Variants in UBAC2 observed in about 807,000 individuals in gnomAD.
UBAC2 encodes ubiquitin-associated domain-containing protein 2.
A neutral mutation model predicts 44.0 loss-of-function variants in UBAC2; 26 were observed. The observed-to-expected ratio is 0.59, with a 90% CI of 0.43 to 0.82. The LOEUF (loss-of-function observed/expected upper bound fraction) is 0.82. UBAC2 is among the 40% of genes least tolerant of loss of function. The pLI is 0.00. For synonymous variants in UBAC2, 155 were observed against 154.3 expected (o/e 1.00, Z -0.04); for missense variants, 329 against 419.4 (o/e 0.78, Z 1.88).
chr13:99,226,660 C>A (rs1435101861), intron 1 of UBAC2, among the ~76,000 whole-genome samples: 1 of 152,190 alleles, frequency 6.6e-6, no homozygotes, highest in Non-Finnish European at 1.5e-5. Context: ...CTGGACCATT[C>A]CCCTCATCAC....
At chr13:99,204,901 CTTTTT>C (rs569772649) in intron 1 of UBAC2, among the ~76,000 whole-genome samples, 4 of 75,940 alleles carry the variant, frequency 5.3e-5, no homozygotes, top group African/African-American at 1.6e-4. Flanking sequence ...GTTTCGTTTC[CTTTTT>C]TTTTTTTTTT....
Position 99,295,066 on chromosome 13 carries a change from T to A in UBAC2, c.390-19031T>A, listed in dbSNP as rs1177969574. 6.2e-7 allele frequency: 1 copy of A among 1,612,766 alleles called. No individual in the cohort carries two copies. The highest frequency in any genetic ancestry group is 2.2e-5 in the East Asian group (1 of 44,864). ...AACCAAAATACAATCCATTTCACTT[T>A]CCATTTGAAGACTTGGAATGTATCA... On this transcript the variant is annotated intron_variant, in intron 4 of 8. Transcript: ENST00000403766. The surrounding 1 kb of genome is among the most constrained non-coding windows in gnomAD (Gnocchi z 4.1).
chr13:99,374,258 T>C (rs1441618037), intron 8 of UBAC2, among the ~76,000 whole-genome samples: 1 of 152,168 alleles, frequency 6.6e-6, no homozygotes, highest in African/African-American at 2.4e-5. Flanking sequence ...GAGTTCCTTA[T>C]TATGCTGACT....
chr13:99,254,864 A>G (rs781659489), intron 4 of UBAC2: 1 of 1,591,844 alleles, frequency 6.3e-7, no homozygotes, highest in South Asian at 1.1e-5. Context: ...TTGAAATGAA[A>G]GAACCTTATT....
chr13:99,237,263 T>TACACACAC (rs753374485), intron 1 of UBAC2, among the ~76,000 whole-genome samples: 113 of 90,522 alleles, frequency 1.2e-3, no homozygotes, highest in East Asian at 7.7e-3. Context: ...CGTATATATA[T>TACACACAC]ATATATATAC....
At chr13:99,226,154 TAGAG>T (rs1427981039) in intron 1 of UBAC2, among the ~76,000 whole-genome samples, 1 of 152,098 alleles carries the variant, frequency 6.6e-6, no homozygotes, top group African/African-American at 2.4e-5. Context: ...GTGGCACTGG[TAGAG>T]AGGAGAGAGA....
At chr13:99,341,376 C>G (rs2044883861) in intron 7 of UBAC2, among the ~76,000 whole-genome samples, 1 of 100,718 alleles carries the variant, frequency 9.9e-6, no homozygotes, top group Admixed American at 1.0e-4. Context: ...GGTTTGAGGT[C>G]CTTAGAGTCC....
At position 99,201,680 on chromosome 13, in the gene UBAC2, C is replaced by A. The variant is rs964117216; in HGVS notation, c.31+741C>A. 3.4e-6 allele frequency: 4 copies of A among 1,167,742 alleles called. No homozygotes were observed. The East Asian group carries it at 7.5e-5, about 22-fold the overall frequency. 72.3% of individuals were successfully genotyped at this position (1,167,742 alleles called of 1,614,324 possible). On this transcript the variant is annotated intron_variant, in intron 1 of 8. Coordinates refer to ENST00000403766, the MANE Select transcript of UBAC2 (RefSeq NM_001144072.2). ...TAACAGTTAGGCACGGGTACAGCAA[C>A]GGAGAACAGCTCTAATTTTGCAATT...
chr13:99,288,204 A>T (rs1032125356), intron 4 of UBAC2, among the ~76,000 whole-genome samples: 16 of 152,228 alleles, frequency 1.1e-4, no homozygotes, highest in Non-Finnish European at 2.2e-4. Flanking sequence ...ATTCTTGTAC[A>T]GAAACCAGAA....
At chr13:99,210,360 A>G (rs1018810821) in intron 1 of UBAC2, among the ~76,000 whole-genome samples, 1 of 152,218 alleles carries the variant, frequency 6.6e-6, no homozygotes, top group African/African-American at 2.4e-5. Flanking sequence ...ATATCTAAAT[A>G]ATAGGTAAAA....
chr13:99,281,192 AAAAACAAAAC>A (rs1033276028), intron 4 of UBAC2, among the ~76,000 whole-genome samples: 6 of 150,446 alleles, frequency 4.0e-5, no homozygotes, highest in Admixed American at 6.6e-5. Context: ...CCATCTCAAA[AAAAACAAAAC>A]AAAACAAAAC....
At chr13:99,306,904 C>T (rs1390858204) in intron 4 of UBAC2, among the ~76,000 whole-genome samples, 2 of 152,166 alleles carry the variant, frequency 1.3e-5, no homozygotes, top group South Asian at 2.1e-4. Flanking sequence ...AGGAATTCTA[C>T]CCCTGAGATT....
intron 2 of UBAC2, among the ~76,000 whole-genome samples, chr13:99,242,517 A>C (rs1300231747): frequency 2.0e-5 from 2 of 100,624 alleles, no homozygotes; most frequent in Non-Finnish European, 4.0e-5. Context: ...TGCCCCCCCC[A>C]CCTCCCTCCC....
chr13:99,348,795 G>A (rs925981566), intron 7 of UBAC2, among the ~76,000 whole-genome samples: 1 of 152,208 alleles, frequency 6.6e-6, no homozygotes, highest in Non-Finnish European at 1.5e-5. Flanking sequence ...AGGATAGCAT[G>A]AGCCTAGGAG....
At chr13:99,249,006 G>A (rs1204470346) in intron 4 of UBAC2, among the ~76,000 whole-genome samples, 1 of 152,184 alleles carries the variant, frequency 6.6e-6, no homozygotes, top group African/African-American at 2.4e-5. Context: ...GTAGGTCACT[G>A]AGTCTTAGTT....
At chr13:99,375,801 C>CTTTTTTTTTTTTTTT (rs34318354) in intron 8 of UBAC2, among the ~76,000 whole-genome samples, 2 of 110,888 alleles carry the variant, frequency 1.8e-5, no homozygotes, top group African/African-American at 3.7e-5. Flanking sequence ...TCCTTTTTCC[C>CTTTTTTTTTTTTTTT]TTTTTTTTTT....
rs1273930405 is a variant in UBAC2 at position 99,367,853 on chromosome 13, G to A, written c.874G>A (p.Gly292Ser). 2 of 1,613,926 alleles carry A rather than the reference G, an allele frequency of 1.2e-6. No individual in the cohort carries two copies. Among genetic ancestry groups the A allele is most frequent in the Admixed American group, 1.7e-5 (1 of 60,012 alleles). Residue 292 changes from glycine to serine, a missense_variant, in exon 8 of 9, where the codon GGC becomes AGC. Transcript: ENST00000403766. ...LRQRQNVNYQ[G>S]GRQSEPAAPP... ...TCAGCGACAAAACGTAAACTATCAG[G>A]GCGGTCGGCAGTCTGAGCCAGCAGC...
rs947169969 is a variant in UBAC2, at chr13:99,292,222, G to A, written c.390-21875G>A. 4.7e-5 allele frequency among the ~76,000 whole-genome samples: 7 copies of A among 150,420 alleles called. No individual in the cohort carries two copies. In the South Asian group the frequency reaches 6.4e-4, roughly 14 times the overall value. Reference sequence around the variant, plus strand: ...GCAATCTCTGCTCACTGCAAGCTCCGTCTCCCAGGTTCACGCCATTCTCCC... The same window carrying A: ...GCAATCTCTGCTCACTGCAAGCTCCATCTCCCAGGTTCACGCCATTCTCCC... On this transcript the variant is annotated intron_variant, in intron 4 of 8. Coordinates refer to ENST00000403766, the MANE Select transcript of UBAC2 (RefSeq NM_001144072.2).
chr13:99,319,301 C>A (rs61970331), intron 6 of UBAC2, among the ~76,000 whole-genome samples: 1 of 152,084 alleles, frequency 6.6e-6, no homozygotes, highest in Admixed American at 6.5e-5. Context: ...TTTTAACTAG[C>A]GGTTATAGAG....
Sources: allele counts gnomAD v4.1 joint callset (sites outside exome capture counted in the v4.1 genomes callset), GRCh38; gene constraint gnomAD v4.1.1; non-coding constraint Gnocchi (gnomAD v3.1); transcripts MANE v1.5; gene names NCBI Gene and HGNC (gene_info 2026-07-23, HGNC 2026-07-21).